The following L3MBTL3 variants were observed in gnomAD, a reference collection of about 807,000 sequenced individuals.
The protein encoded by L3MBTL3 is lethal(3)malignant brain tumor-like protein 3.
In L3MBTL3, 27 loss-of-function variants were observed where a neutral mutation model predicts 102.3. The observed-to-expected ratio is 0.26, with a 90% CI of 0.19 to 0.36. L3MBTL3 has a LOEUF of 0.36. Ranked by LOEUF, L3MBTL3 falls within the 10% of genes least tolerant of loss-of-function variation. The pLI, the probability that L3MBTL3 is intolerant of heterozygous loss-of-function variation, is 1.00. For synonymous variants in L3MBTL3, 340 were observed against 320.9 expected, an observed-to-expected ratio of 1.06 and a Z score of -0.64; for missense variants, 798 against 955.3, an observed-to-expected ratio of 0.84 and a Z score of 2.17.
intron 20 of L3MBTL3, among the ~76,000 whole-genome samples, chr6:130,130,954 T>A (rs1256398309): frequency 3.9e-5 from 6 of 152,092 alleles, no homozygotes; most frequent in Non-Finnish European, 8.8e-5. Context: ...AACAGAACAA[T>A]AAGAAATAAA....
chr6:130,051,464 T>C, intron 6 of L3MBTL3, 56 bp downstream of exon 6: 2 of 1,455,844 alleles, frequency 1.4e-6, no homozygotes, highest in Non-Finnish European at 1.9e-6. Flanking sequence ...AAAGTCATGG[T>C]GCCTGAGAAT....
At chr6:130,131,463 G>C (rs1179860365) in intron 20 of L3MBTL3, among the ~76,000 whole-genome samples, 2 of 152,224 alleles carry the variant, frequency 1.3e-5, no homozygotes, top group African/African-American at 4.8e-5. Flanking sequence ...TGCGACCTCA[G>C]AGTTTCACTC....
intron 20 of L3MBTL3, among the ~76,000 whole-genome samples, chr6:130,124,708 C>T (rs563119033): frequency 2.6e-4 from 40 of 152,310 alleles, no homozygotes; most frequent in East Asian, 7.7e-4. Context: ...TGGTGGCTCA[C>T]GCCTATAATC....
intron 19 of L3MBTL3, among the ~76,000 whole-genome samples, chr6:130,107,760 G>A (rs1300380694): frequency 6.6e-6 from 1 of 152,164 alleles, no homozygotes; most frequent in Admixed American, 6.5e-5. Flanking sequence ...ATAAACCAGT[G>A]AGAGACACTA....
intron 17 of L3MBTL3, 79 bp from the exon 18 acceptor site, chr6:130,094,186 T>C (rs1472582610): frequency 2.6e-6 from 3 of 1,140,922 alleles, no homozygotes; most frequent in East Asian, 2.4e-5. Flanking sequence ...TTCTTCCTTA[T>C]TCTGATCCAG....
intron 14 of L3MBTL3, among the ~76,000 whole-genome samples, chr6:130,079,423 T>G (rs1406354797): frequency 6.6e-6 from 1 of 152,180 alleles, no homozygotes; most frequent in Non-Finnish European, 1.5e-5. Context: ...GTCCTTGTTT[T>G]ATATCATTTT....
At chr6:130,107,555 C>T (rs1785065880) in intron 19 of L3MBTL3, among the ~76,000 whole-genome samples, 1 of 152,092 alleles carries the variant, frequency 6.6e-6, no homozygotes, top group African/African-American at 2.4e-5. Flanking sequence ...AACTAAATGA[C>T]AATAAATACT....
intron 22 of L3MBTL3, among the ~76,000 whole-genome samples, chr6:130,135,070 CTTT>C (rs5880000): frequency 3.9e-5 from 5 of 127,408 alleles, no homozygotes; most frequent in Admixed American, 7.9e-5. Flanking sequence ...CTGTTTTTTC[CTTT>C]TTTTTTTTTT....
intron 2 of L3MBTL3, among the ~76,000 whole-genome samples, chr6:130,039,168 A>C (rs1780253413): frequency 6.6e-6 from 1 of 152,134 alleles, no homozygotes; most frequent in South Asian, 2.1e-4. Flanking sequence ...ACAATTGCCA[A>C]CACATTGCCA....
rs536954068 is a variant in L3MBTL3 at position 130,141,113 on chromosome 6, G to A, written c.*1360G>A. On this transcript the variant is annotated 3_prime_UTR_variant, in exon 23 of 23. Coordinates refer to ENST00000361794, the MANE Select transcript of L3MBTL3 (RefSeq NM_032438.4). ...TTCCAGGATTGGATATTTATTCAAG[G>A]ACTATTTTAAAAATAGAAAGTAAGT... 14 of 152,324 alleles carry A rather than the reference G, an allele frequency of 9.2e-5. No individual in the cohort carries two copies. In the South Asian group the frequency reaches 2.3e-3, roughly 25 times the overall value. 9.4% of individuals were successfully genotyped at this position (152,324 alleles called of 1,614,324 possible). A position where few individuals can be genotyped will look rare whatever the true frequency, so the allele number is the denominator to read the frequency against.
intron 7 of L3MBTL3, 39 bp downstream of exon 7, chr6:130,053,030 A>C (rs1781205886): frequency 1.4e-6 from 2 of 1,472,748 alleles, no homozygotes; most frequent in Non-Finnish European, 1.9e-6. Context: ...ACAGGGATGC[A>C]TCTTTAGTGG....
chr6:130,129,551 TA>T (rs1220201418), intron 20 of L3MBTL3, among the ~76,000 whole-genome samples: 1 of 152,224 alleles, frequency 6.6e-6, no homozygotes, highest in Non-Finnish European at 1.5e-5. Context: ...AAATATTTTT[TA>T]CTCACTGTGG....
At chr6:130,109,999 G>T (rs187594396) in intron 19 of L3MBTL3, among the ~76,000 whole-genome samples, 2 of 152,166 alleles carry the variant, frequency 1.3e-5, no homozygotes, top group African/African-American at 4.8e-5. Flanking sequence ...TCGAAGATTA[G>T]ATAGTTGTAC....
intron 10 of L3MBTL3, among the ~76,000 whole-genome samples, chr6:130,061,756 G>A (rs1781914897): frequency 6.6e-6 from 1 of 152,164 alleles, no homozygotes; most frequent in African/African-American, 2.4e-5. Context: ...AGAGCGCAAG[G>A]CGTGAGTTGC....
chr6:130,040,309 C>T (rs981719817), intron 2 of L3MBTL3, among the ~76,000 whole-genome samples: 5 of 146,828 alleles, frequency 3.4e-5, no homozygotes, highest in South Asian at 2.2e-4. Flanking sequence ...CCAGCCTGGA[C>T]GACAACAGCG....
chr6:130,041,047 T>C (rs1490835783), intron 2 of L3MBTL3, among the ~76,000 whole-genome samples: 1 of 152,218 alleles, frequency 6.6e-6, no homozygotes, highest in African/African-American at 2.4e-5. Context: ...AGGCAAAGAA[T>C]GTGTGAGTAT....
At position 130,055,623 on chromosome 6, in the gene L3MBTL3, TCTCC is replaced by T. The variant is rs1293887772; in HGVS notation, c.667+388_667+391del. Among the ~76,000 whole-genome samples, 439 of 85,554 alleles carry T rather than the reference TCTCC, an allele frequency of 5.1e-3. 13 individuals carry two copies. Among genetic ancestry groups the T allele is most frequent in the African/African-American group, 0.017 (377 of 22,266 alleles). The allele number at this position is 85,554 out of a possible 152,430, so 56.1% of individuals were successfully genotyped here. A position where few individuals can be genotyped will look rare whatever the true frequency, so the allele number is the denominator to read the frequency against. On this transcript the variant is annotated intron_variant, in intron 8 of 22. Coordinates refer to ENST00000361794, the MANE Select transcript of L3MBTL3 (RefSeq NM_032438.4). ...CCCTCTCTGTCTCCGCCTCTCCCTG[TCTCC>T]CTCCCTCCCTCCCTCCCTCTCTCTC...
intron 17 of L3MBTL3, among the ~76,000 whole-genome samples, chr6:130,093,853 G>C (rs1260663986): frequency 6.6e-6 from 1 of 152,188 alleles, no homozygotes; most frequent in Non-Finnish European, 1.5e-5. Context: ...GAGGGATCTG[G>C]AACTGTCATT....
chr6:130,136,074 A>T (rs1478368122), intron 22 of L3MBTL3, among the ~76,000 whole-genome samples: 2 of 150,868 alleles, frequency 1.3e-5, no homozygotes, highest in Non-Finnish European at 2.9e-5. Context: ...AACATGTAAA[A>T]CCCTTATCAC....
Sources: gnomAD v4.1 joint callset for allele counts (sites outside exome capture counted in the v4.1 genomes callset) on GRCh38, gnomAD v4.1.1 for gene constraint, MANE v1.5 for transcripts, NCBI Gene and HGNC (gene_info 2026-07-23, HGNC 2026-07-21) for gene names.